Variants in RALGPS2 observed in about 807,000 individuals in gnomAD.
RALGPS2 encodes ras-specific guanine nucleotide-releasing factor RalGPS2.
Under a neutral mutation model 86.8 loss-of-function variants are expected in RALGPS2, and 43 were observed. The ratio of observed to expected loss-of-function variants is 0.50; its 90% CI spans 0.39 to 0.64. The LOEUF is 0.64. Among genes scored for constraint, RALGPS2 ranks in the 30% least tolerant of loss-of-function variants. The pLI is 0.00. For synonymous variants in RALGPS2, 243 were observed against 231.3 expected (o/e 1.05, Z -0.46); for missense variants, 536 against 694.6 (o/e 0.77, Z 2.57).
intron 8 of RALGPS2, chr1:178,851,298 TGAA>T (rs749577609): frequency 1.2e-6 from 2 of 1,611,342 alleles, no homozygotes; most frequent in Non-Finnish European, 1.7e-6. Context: ...GCCTCCTTTA[TGAA>T]AGTGGGCGCA....
chr1:178,732,736 T>G (rs1228201416), intron 1 of RALGPS2, among the ~76,000 whole-genome samples: 1 of 152,114 alleles, frequency 6.6e-6, no homozygotes, highest in Non-Finnish European at 1.5e-5. Flanking sequence ...TTCTAAGTTT[T>G]TTTTTTTTTT....
chr1:178,808,174 A>C (rs1162911631), intron 5 of RALGPS2, 46 bp downstream of exon 5: 1 of 1,237,280 alleles, frequency 8.1e-7, no homozygotes, highest in Non-Finnish European at 1.2e-6. Flanking sequence ...CAGTTCCTCA[A>C]TATATACTTT....
intron 16 of RALGPS2, among the ~76,000 whole-genome samples, chr1:178,895,017 A>G (rs553275370): frequency 2.5e-4 from 38 of 152,164 alleles, no homozygotes; most frequent in African/African-American, 9.1e-4. Flanking sequence ...TGTTTTCTAC[A>G]TAACATAGAA....
At chr1:178,855,119 G>A (rs1346890825) in intron 8 of RALGPS2, among the ~76,000 whole-genome samples, 1 of 151,978 alleles carries the variant, frequency 6.6e-6, no homozygotes, top group Non-Finnish European at 1.5e-5. Flanking sequence ...AAGGATAATA[G>A]GATTGTTGAA....
At chr1:178,863,410 A>C (rs1472056336) in intron 8 of RALGPS2, among the ~76,000 whole-genome samples, 4 of 152,226 alleles carry the variant, frequency 2.6e-5, no homozygotes, top group Admixed American at 1.3e-4. Flanking sequence ...CTTCAGTGTA[A>C]TATCATATAG....
At chr1:178,855,955 TATCTA>T (rs1029974533) in intron 8 of RALGPS2, among the ~76,000 whole-genome samples, 14 of 148,730 alleles carry the variant, frequency 9.4e-5, no homozygotes, top group Middle Eastern at 3.6e-3. Flanking sequence ...TTATATATAA[TATCTA>T]ATATAAGAAC....
At chr1:178,912,145 C>T (rs75679358) in intron 19 of RALGPS2, among the ~76,000 whole-genome samples, 3,512 of 152,232 alleles carry the variant, frequency 0.023, 57 homozygotes, top group Non-Finnish European at 0.034. Flanking sequence ...GGTCTTGCTT[C>T]TTTGGCCAGC....
chr1:178,852,321 G>A (rs1257603057), intron 8 of RALGPS2, among the ~76,000 whole-genome samples: 5 of 152,166 alleles, frequency 3.3e-5, no homozygotes, highest in Non-Finnish European at 7.4e-5. Context: ...AAGCTCCAAA[G>A]GGCGGGAACT....
intron 18 of RALGPS2, among the ~76,000 whole-genome samples, chr1:178,906,564 A>C (rs961883379): frequency 2.0e-5 from 3 of 152,194 alleles, no homozygotes. Context: ...GACTTTCTGA[A>C]TATATGATAG....
At chr1:178,894,068 T>A in intron 16 of RALGPS2, 44 bp downstream of exon 16, 1 of 1,168,482 alleles carries the variant, frequency 8.6e-7, no homozygotes. Context: ...TCTAAAAATA[T>A]GCAAATTTAT....
intron 4 of RALGPS2, among the ~76,000 whole-genome samples, chr1:178,795,800 G>A (rs913161275): frequency 3.9e-5 from 6 of 152,146 alleles, no homozygotes; most frequent in Non-Finnish European, 5.9e-5. Context: ...AAACCTTCTA[G>A]TGTATGTCAA....
intron 17 of RALGPS2, among the ~76,000 whole-genome samples, chr1:178,899,653 G>GTTTTGT (rs1367671786): frequency 2.8e-5 from 4 of 140,558 alleles, no homozygotes; most frequent in Non-Finnish European, 6.2e-5. Flanking sequence ...TTTGGTTTTG[G>GTTTTGT]TTTTTTTTTT....
At chr1:178,834,225 A>G (rs1165431536) in intron 8 of RALGPS2, among the ~76,000 whole-genome samples, 3 of 152,238 alleles carry the variant, frequency 2.0e-5, no homozygotes, top group African/African-American at 4.8e-5. Context: ...TAAGGAAAAT[A>G]CATGATACAT....
intron 1 of RALGPS2, among the ~76,000 whole-genome samples, chr1:178,772,262 C>G (rs918374255): frequency 3.3e-5 from 5 of 152,244 alleles, no homozygotes; most frequent in Admixed American, 1.3e-4. Context: ...CAAATATAGG[C>G]TATAATGAGT....
chr1:178,837,099 CTCTATATA>C (rs1656317743), intron 8 of RALGPS2, among the ~76,000 whole-genome samples: 1 of 152,158 alleles, frequency 6.6e-6, no homozygotes, highest in South Asian at 2.1e-4. Context: ...TCTTTTCTTA[CTCTATATA>C]ATCGGAGTGG....
intron 19 of RALGPS2, among the ~76,000 whole-genome samples, chr1:178,915,306 G>C (rs910506048): frequency 6.6e-6 from 1 of 152,136 alleles, no homozygotes; most frequent in Non-Finnish European, 1.5e-5. Flanking sequence ...TGCGATCTTG[G>C]CTCACTGCAA....
In RALGPS2 at chr1:178,827,692, G is replaced by T. The variant is rs538951466; in HGVS notation, c.481-5732G>T. 3.0e-4 allele frequency among the ~76,000 whole-genome samples: 45 copies of T among 152,224 alleles called. 1 individual carries two copies. The highest frequency in any genetic ancestry group is 4.8e-5 in the African/African-American group (2 of 41,544). On this transcript the variant is annotated intron_variant, in intron 7 of 19. Transcript: ENST00000367635. ...TTACAGGCGTGAGCCACCGCGCCCG[G>T]CCCATACTCTCTGATTTTAAAATAC...
intron 1 of RALGPS2, among the ~76,000 whole-genome samples, chr1:178,774,762 A>G (rs1652994245): frequency 6.6e-6 from 1 of 152,206 alleles, no homozygotes; most frequent in Non-Finnish European, 1.5e-5. Context: ...GATTTTGAAT[A>G]TATTTCTGTT....
chr1:178,911,351 G>A (rs1478081083), intron 19 of RALGPS2, among the ~76,000 whole-genome samples: 1 of 151,964 alleles, frequency 6.6e-6, no homozygotes, highest in East Asian at 1.9e-4. Context: ...TATGATGTTA[G>A]GTTGTTAATT....
Sources: gnomAD v4.1 joint callset for allele counts (sites outside exome capture counted in the v4.1 genomes callset) on GRCh38, gnomAD v4.1.1 for gene constraint, MANE v1.5 for transcripts, NCBI Gene and HGNC (gene_info 2026-07-23, HGNC 2026-07-21) for gene names.